CLCA2: variants seen among roughly 807,000 people sequenced by gnomAD.
CLCA2 encodes the protein chloride channel accessory 2.
In CLCA2, 85 loss-of-function variants were observed where a neutral mutation model predicts 82.9. The ratio of observed to expected loss-of-function variants is 1.03; its 90% confidence interval spans 0.86 to 1.23. The LOEUF (loss-of-function observed/expected upper bound fraction) is 1.23, where lower values mean the gene tolerates loss of function less well. Among genes scored for constraint, CLCA2 ranks in the 50% most tolerant of loss-of-function variants. The pLI, the probability that CLCA2 is intolerant of heterozygous loss-of-function variation, is 0.00. For missense variants in CLCA2, 1,089 were observed against 1,124.8 expected (o/e 0.97, Z 0.45); for synonymous variants, 421 against 391.7 (o/e 1.07, Z -0.88).
intron 10 of CLCA2, among the ~76,000 whole-genome samples, chr1:86,447,121 T>C (rs1662868503): frequency 1.3e-5 from 2 of 152,298 alleles, no homozygotes; most frequent in East Asian, 1.9e-4. Context: ...TTCTCAGTTA[T>C]GAAAAGAAAT....
chr1:86,434,279 AAT>A (rs1490561537), intron 5 of CLCA2, among the ~76,000 whole-genome samples: 1 of 152,224 alleles, frequency 6.6e-6, no homozygotes, highest in Non-Finnish European at 1.5e-5. Flanking sequence ...ATCTAATACC[AAT>A]AAACTTTAAT....
chr1:86,424,177 A>C lies in CLCA2; in HGVS notation c.-71A>C. 7.0e-7 allele frequency: 1 copy of C among 1,432,112 alleles called. No homozygotes were observed. The allele number at this position is 1,432,112 out of a possible 1,614,324, so 88.7% of individuals were successfully genotyped here. ...GCAAGTTCAGGAAGAAACCATCTGC[A>C]TCCATATTGAAAACCTGACACAATG... On this transcript the variant is annotated 5_prime_UTR_variant, in exon 1 of 14. Transcript: ENST00000370565.
In CLCA2 at chr1:86,424,178, TCC is replaced by T; in HGVS notation, c.-69_-68del. On this transcript the variant is annotated 5_prime_UTR_variant, in exon 1 of 14. Coordinates refer to ENST00000370565, the MANE Select transcript of CLCA2 (RefSeq NM_006536.7). ...CAAGTTCAGGAAGAAACCATCTGCA[TCC>T]ATATTGAAAACCTGACACAATGTAT... The T allele has an allele frequency of 6.9e-7, 1 of 1,438,858 alleles. No homozygotes were observed. The highest frequency in any genetic ancestry group is 9.4e-7 in the Non-Finnish European group (1 of 1,059,992). The allele number at this position is 1,438,858 out of a possible 1,614,324, so 89.1% of individuals were successfully genotyped here.
Position 86,432,402 on chromosome 1 carries a change from TGA to T in CLCA2, c.619_620del (p.Glu207LysfsTer12). ...CTGACATCACAGGCATTTTTGTGTG[TGA>T]AAAAGGTCCTTGCCCCCAAGAAAAC... Reference protein sequence around the residue: ...SSDITGIFVCEKGPCPQENCI... With the variant: ...SSDITGIFVCXKGPCPQENCI... On this transcript the variant is annotated frameshift_variant, in exon 5 of 14. Transcript: ENST00000370565. LOFTEE classifies it high-confidence loss of function. The T allele has an allele frequency of 6.2e-7, 1 of 1,613,978 alleles. No individual in the cohort carries two copies. The highest frequency in any genetic ancestry group is 8.5e-7 in the Non-Finnish European group (1 of 1,179,960).
In CLCA2 at chr1:86,453,604, T is replaced by A. The variant is rs774144266; in HGVS notation, c.2389+2T>A. The stretch of plus-strand genomic sequence containing the variant: ...GAGAAGACTTTGATCAGGGCCAGGG[T>A]AGGTTTGCTCATTTCATTACCTATT... On this transcript the variant is annotated splice_donor_variant, in intron 13 of 13. Coordinates refer to ENST00000370565, the MANE Select transcript of CLCA2 (RefSeq NM_006536.7). LOFTEE classifies it high-confidence loss of function. 1 of 1,612,376 alleles carries A rather than the reference T, an allele frequency of 6.2e-7. No individual in the cohort carries two copies. The highest frequency in any genetic ancestry group is 2.2e-5 in the East Asian group (1 of 44,884).
At chr1:86,429,427 A>G (rs572832063) in intron 3 of CLCA2, among the ~76,000 whole-genome samples, 1 of 152,356 alleles carries the variant, frequency 6.6e-6, no homozygotes, top group Non-Finnish European at 1.5e-5. Flanking sequence ...CAAGGCACAC[A>G]CCAGGTTTTT....
Position 86,455,618 on chromosome 1 carries a change from C to G in CLCA2, c.*91C>G. 1 of 832,022 alleles carries G rather than the reference C, an allele frequency of 1.2e-6. No homozygotes were observed. Among genetic ancestry groups the G allele is most frequent in the Non-Finnish European group, 1.7e-6 (1 of 587,144 alleles). 51.5% of individuals were successfully genotyped at this position (832,022 alleles called of 1,614,324 possible). On this transcript the variant is annotated 3_prime_UTR_variant, in exon 14 of 14. Transcript: ENST00000370565. ...TAACAAAGTCAAATTAACATCAAAA[C>G]TGTATTAAAATGCATTGAGTTTTTG...
At chr1:86,436,720 GTT>G (rs533993297) in intron 6 of CLCA2, among the ~76,000 whole-genome samples, 5,791 of 148,880 alleles carry the variant, frequency 0.039, 179 homozygotes, top group African/African-American at 0.077. Context: ...TGTTGTTTTG[GTT>G]TTTTTTTTGA....
intron 11 of CLCA2, among the ~76,000 whole-genome samples, chr1:86,450,304 A>G (rs1045620194): frequency 6.6e-6 from 1 of 152,194 alleles, no homozygotes; most frequent in African/African-American, 2.4e-5. Flanking sequence ...AAGAATGTTA[A>G]AGGTGATGAT....
At chr1:86,439,919 A>T (rs920377823) in intron 7 of CLCA2, among the ~76,000 whole-genome samples, 22 of 152,290 alleles carry the variant, frequency 1.4e-4, no homozygotes, top group Non-Finnish European at 2.4e-4. Context: ...ATACAGTTCT[A>T]AACTATGGGG....
At position 86,455,411 on chromosome 1, in the gene CLCA2, G is replaced by A; in HGVS notation, c.2716G>A (p.Val906Ile). The A allele has an allele frequency of 6.2e-7, 1 of 1,606,926 alleles. No homozygotes were observed. The highest frequency in any genetic ancestry group is 1.1e-5 in the South Asian group (1 of 89,416). The change falls in exon 14 of 14, where the codon GTT becomes ATT. Residue 906 changes from valine (V) to isoleucine (I), a missense_variant. Coordinates refer to ENST00000370565, the MANE Select transcript of CLCA2 (RefSeq NM_006536.7). ...PARDYLILKG[V>I]LTAMGLIGII... Reference sequence around the variant, plus strand: ...CAGAGATTATCTTATATTGAAAGGAGTTTTAACAGCAATGGGTTTGATAGG... The same window carrying A: ...CAGAGATTATCTTATATTGAAAGGAATTTTAACAGCAATGGGTTTGATAGG...
intron 9 of CLCA2, among the ~76,000 whole-genome samples, chr1:86,442,952 G>A (rs896650860): frequency 1.3e-5 from 2 of 152,160 alleles, no homozygotes; most frequent in Admixed American, 6.5e-5. Flanking sequence ...CTTTAGCATG[G>A]GGCCAGGCAT....
chr1:86,426,294 T>G (rs1162192893), intron 2 of CLCA2, among the ~76,000 whole-genome samples: 4 of 152,142 alleles, frequency 2.6e-5, no homozygotes, highest in Non-Finnish European at 4.4e-5. Context: ...AGATTGTAAC[T>G]ACATCTCTAA....
Position 86,443,870 on chromosome 1 carries a change from T to C in CLCA2, c.1572T>C (p.Thr524=), listed in dbSNP as rs1304992079. The change falls in exon 10 of 14, where the codon ACT becomes ACC. Residue 524 remains threonine (T), a synonymous_variant. Transcript: ENST00000370565. ...VTVDNTVGND[T]MFLVTWQASG... is the part of the protein sequence containing the mutation. The stretch of plus-strand genomic sequence containing the variant: ...TGGATAATACTGTGGGCAACGACAC[T>C]ATGTTTCTAGTTACGTGGCAGGCCA... 6.2e-7 allele frequency: 1 copy of C among 1,613,924 alleles called. No individual in the cohort carries two copies. The highest frequency in any genetic ancestry group is 1.3e-5 in the African/African-American group (1 of 74,928).
chr1:86,455,402 T>C lies in CLCA2; in HGVS notation c.2707T>C (p.Leu903=), dbSNP rs925617026. Residue 903 remains leucine, a synonymous_variant, in exon 14 of 14, where the codon TTG becomes CTG. Transcript: ENST00000370565. ...DPVPARDYLI[L]KGVLTAMGLI... is the part of the protein sequence containing the mutation. ...TGTACCTGCCAGAGATTATCTTATA[T>C]TGAAAGGAGTTTTAACAGCAATGGG... The C allele has an allele frequency of 6.2e-7, 1 of 1,608,304 alleles. No homozygotes were observed. The highest frequency in any genetic ancestry group is 8.5e-7 in the Non-Finnish European group (1 of 1,178,236).
Position 86,455,274 on chromosome 1 carries a change from A to G in CLCA2, c.2579A>G (p.His860Arg). ...CCAAATGGAGAAACACATGAAAGCC[A>G]CAGAATTTATGTTGCAATACGAGCA... ...HQPNGETHES[H>R]RIYVAIRAMD... is the part of the protein sequence containing the mutation. Residue 860 changes from histidine to arginine, a missense_variant, in exon 14 of 14, where the codon CAC becomes CGC. Coordinates refer to ENST00000370565, the MANE Select transcript of CLCA2 (RefSeq NM_006536.7). 6.2e-7 allele frequency: 1 copy of G among 1,614,182 alleles called. No homozygotes were observed. The highest frequency in any genetic ancestry group is 2.2e-5 in the East Asian group (1 of 44,870).
Position 86,432,586 on chromosome 1 carries a change from A to T in CLCA2, c.744+58A>T, listed in dbSNP as rs569541605. 6.4e-5 allele frequency: 99 copies of T among 1,552,156 alleles called. No individual in the cohort carries two copies. In the African/African-American group the frequency reaches 1.3e-3, roughly 20 times the overall value. ...AGGATTCCTTCTCTTCCCATGTTTC[A>T]AGTATTTAAATTATAAGATAATTAA... On this transcript the variant is annotated intron_variant, in intron 5 of 13. Coordinates refer to ENST00000370565, the MANE Select transcript of CLCA2 (RefSeq NM_006536.7).
rs1276675346 is a variant in CLCA2 at position 86,441,440 on chromosome 1, G to A, written c.1385G>A (p.Gly462Asp). Residue 462 changes from glycine to aspartate, a missense_variant, in exon 9 of 14, where the codon GGT becomes GAT. Physicochemically the swap from Gly to Asp is moderately conservative, Grantham distance 94. Transcript: ENST00000370565. ...NLEELSRLTG[G>D]LKFFVPDISN... ...ACACTCCTATCATGTATTTCAGGAGGTTTAAAGTTCTTTGTTCCAGATATA... is the reference window on the plus strand; with the variant it reads ...ACACTCCTATCATGTATTTCAGGAGATTTAAAGTTCTTTGTTCCAGATATA... 1 of 1,586,108 alleles carries A rather than the reference G, an allele frequency of 6.3e-7. No homozygotes were observed. Among genetic ancestry groups the A allele is most frequent in the Non-Finnish European group, 8.6e-7 (1 of 1,157,242 alleles).
chr1:86,427,056 T>C (rs1420129947), intron 2 of CLCA2, among the ~76,000 whole-genome samples: 1 of 152,314 alleles, frequency 6.6e-6, no homozygotes, highest in Non-Finnish European at 1.5e-5. Flanking sequence ...ATGATCATTA[T>C]GTACGGGACC....
Sources: gnomAD v4.1 joint callset for allele counts (sites outside exome capture counted in the v4.1 genomes callset) on GRCh38, gnomAD v4.1.1 for gene constraint, MANE v1.5 for transcripts, NCBI Gene and HGNC (gene_info 2026-07-23, HGNC 2026-07-21) for gene names.